Variants in SEC23IP observed in about 807,000 individuals in gnomAD.
The protein encoded by SEC23IP is SEC23 interacting protein, also known as SEC23-interacting protein.
SEC23IP carries 70 observed loss-of-function variants against 113.4 expected under a neutral mutation model. The observed-to-expected ratio is 0.62, with a 90% CI of 0.51 to 0.75. The LOEUF is 0.75. SEC23IP is among the 30% of genes least tolerant of loss of function. The pLI is 0.00. For synonymous variants in SEC23IP, 398 were observed against 421.0 expected (o/e 0.95, Z 0.67); for missense variants, 1,160 against 1,204.9 (o/e 0.96, Z 0.55).
At chr10:119,914,704 G>A (rs1854989489) in intron 6 of SEC23IP, 26 bp from the exon 7 acceptor site, 2 of 1,585,272 alleles carry the variant, frequency 1.3e-6, no homozygotes, top group African/African-American at 1.4e-5. Context: ...CATCTTTTAT[G>A]TAGGTTTAAA....
intron 16 of SEC23IP, 52 bp from the exon 17 acceptor site, chr10:119,932,953 A>G: frequency 6.5e-7 from 1 of 1,535,284 alleles, no homozygotes; most frequent in Non-Finnish European, 9.0e-7. Flanking sequence ...GCTAAAGTCA[A>G]AGGATAAAGA....
intron 4 of SEC23IP, among the ~76,000 whole-genome samples, chr10:119,905,680 G>C (rs1247096438): frequency 6.6e-6 from 1 of 152,164 alleles, no homozygotes; most frequent in Non-Finnish European, 1.5e-5. Flanking sequence ...TGGAGACAGA[G>C]AACACCTTTA....
In SEC23IP at chr10:119,903,706, C is replaced by T. The variant is rs572440818; in HGVS notation, c.908-378C>T. Among the ~76,000 whole-genome samples, 10 of 152,078 alleles carry T rather than the reference C, an allele frequency of 6.6e-5. No homozygotes were observed. In the East Asian group the frequency reaches 1.7e-3, roughly 26 times the overall value. On this transcript the variant is annotated intron_variant, in intron 3 of 18. Coordinates refer to ENST00000369075, the MANE Select transcript of SEC23IP (RefSeq NM_007190.4). ...TTGTCTTTAAAGATTGAGTAGTCAC[C>T]GTATTCATTATTTATTATTTCATTT...
At chr10:119,913,447 C>A (rs1854934129) in intron 6 of SEC23IP, among the ~76,000 whole-genome samples, 1 of 151,978 alleles carries the variant, frequency 6.6e-6, no homozygotes, top group South Asian at 2.1e-4. Context: ...TGTGTGAAAT[C>A]AGCTGAAGAC....
At chr10:119,901,528 A>G (rs1854497623) in intron 2 of SEC23IP, among the ~76,000 whole-genome samples, 1 of 152,056 alleles carries the variant, frequency 6.6e-6, no homozygotes, top group Admixed American at 6.6e-5. Context: ...TATAATCAAC[A>G]TTATTGAGGT....
At chr10:119,931,455 C>T (rs186473387) in intron 15 of SEC23IP, among the ~76,000 whole-genome samples, 87 of 151,496 alleles carry the variant, frequency 5.7e-4, no homozygotes, top group Admixed American at 4.7e-3. Context: ...TCTTCTTGAC[C>T]TCCCAAAGTT....
intron 8 of SEC23IP, among the ~76,000 whole-genome samples, chr10:119,917,589 G>T (rs1465664895): frequency 6.6e-6 from 1 of 151,982 alleles, no homozygotes; most frequent in African/African-American, 2.4e-5. Flanking sequence ...ATGTTGGCCT[G>T]GTTGGTCTTG....
chr10:119,897,124 C>T (rs991791515), intron 1 of SEC23IP, among the ~76,000 whole-genome samples: 7 of 152,254 alleles, frequency 4.6e-5, no homozygotes, highest in South Asian at 2.1e-4. Flanking sequence ...GGGCAGGGAC[C>T]GAAGTGTGCC....
At chr10:119,918,634 T>C (rs41300221) in intron 10 of SEC23IP, 123 bp downstream of exon 10, 5 of 636,614 alleles carry the variant, frequency 7.9e-6, no homozygotes, top group Non-Finnish European at 1.4e-5. Flanking sequence ...TTGTTTTAAC[T>C]GAGCCTCATT....
chr10:119,919,554 T>C lies in SEC23IP; in HGVS notation c.1983T>C (p.Tyr661=). 6.2e-7 allele frequency: 1 copy of C among 1,613,480 alleles called. No individual in the cohort carries two copies. Among genetic ancestry groups the C allele is most frequent in the East Asian group, 2.2e-5 (1 of 44,858 alleles). Residue 661 remains tyrosine, a synonymous_variant, in exon 11 of 19, where the codon TAT becomes TAC. Transcript: ENST00000369075. ...ETLEALSLSE[Y]FSTFEKEKID... ...TGGAAGCACTTAGCCTCTCTGAATA[T>C]TTTAGCACTTTTGAAAAGGAAAAGA... is the stretch of plus-strand genomic sequence containing the variant.
At chr10:119,931,640 C>T (rs1183064238) in intron 15 of SEC23IP, among the ~76,000 whole-genome samples, 1 of 151,394 alleles carries the variant, frequency 6.6e-6, no homozygotes, top group South Asian at 2.1e-4. Flanking sequence ...GCAAGCTCTG[C>T]CTCCCGGGTT....
At chr10:119,895,247 G>A (rs1854236123) in intron 1 of SEC23IP, among the ~76,000 whole-genome samples, 1 of 152,138 alleles carries the variant, frequency 6.6e-6, no homozygotes, top group Non-Finnish European at 1.5e-5. Flanking sequence ...AGTTGGATGT[G>A]GTGGTGGGCG....
intron 4 of SEC23IP, among the ~76,000 whole-genome samples, chr10:119,906,125 CA>C (rs570425280): frequency 2.6e-4 from 40 of 151,440 alleles, no homozygotes; most frequent in African/African-American, 9.4e-4. Flanking sequence ...AAAATACACA[CA>C]AAAAAATTAG....
intron 12 of SEC23IP, among the ~76,000 whole-genome samples, chr10:119,923,872 TGTTGGTTCAC>T (rs1855331461): frequency 4.6e-5 from 7 of 152,156 alleles, no homozygotes. Context: ...TTTTAAACAC[TGTTGGTTCAC>T]AGTTTAAAAA....
chr10:119,932,984 T>C lies in SEC23IP; in HGVS notation c.2759-21T>C, dbSNP rs553831246. 6.7e-5 allele frequency: 107 copies of C among 1,605,894 alleles called. No individual in the cohort carries two copies. The East Asian group carries it at 2.3e-3, about 34-fold the overall frequency. On this transcript the variant is annotated intron_variant, in intron 16 of 18. Coordinates refer to ENST00000369075, the MANE Select transcript of SEC23IP (RefSeq NM_007190.4). ...AAAGATTAAGTGATTGACTTTGATA[T>C]TGAAATGGTTTAAATTCTAGCAGAA...
At chr10:119,912,728 C>T (rs1177921584) in intron 6 of SEC23IP, among the ~76,000 whole-genome samples, 9 of 151,374 alleles carry the variant, frequency 5.9e-5, no homozygotes, top group African/African-American at 1.7e-4. Flanking sequence ...ACAACCTCCG[C>T]CTCCCAGGTT....
chr10:119,917,615 G>A (rs1021005372), intron 8 of SEC23IP, among the ~76,000 whole-genome samples: 9 of 152,166 alleles, frequency 5.9e-5, no homozygotes, highest in Admixed American at 1.3e-4. Flanking sequence ...CTGACCTCAA[G>A]TGATCCACCC....
intron 17 of SEC23IP, 45 bp downstream of exon 17, chr10:119,933,212 C>T: frequency 6.6e-7 from 1 of 1,524,526 alleles, no homozygotes. Flanking sequence ...GCTTTTGGTG[C>T]TAGCACGTGC....
chr10:119,903,536 G>C (rs1854565167), intron 3 of SEC23IP, among the ~76,000 whole-genome samples: 1 of 151,948 alleles, frequency 6.6e-6, no homozygotes, highest in African/African-American at 2.4e-5. Context: ...AGATATTATT[G>C]TTCTGATAAA....
Sources: gnomAD v4.1 joint callset for allele counts (sites outside exome capture counted in the v4.1 genomes callset) on GRCh38, gnomAD v4.1.1 for gene constraint, MANE v1.5 for transcripts, NCBI Gene and HGNC (gene_info 2026-07-23, HGNC 2026-07-21) for gene names.